The following EXOC4 variants were observed in gnomAD, a reference collection of about 807,000 sequenced individuals.
EXOC4 encodes the protein exocyst complex component 4.
A neutral mutation model predicts 107.2 loss-of-function variants in EXOC4; 71 were observed. That is an observed-to-expected ratio of 0.66 (90% CI 0.55 to 0.81). The LOEUF is 0.81. Among genes scored for constraint, EXOC4 ranks in the 30% least tolerant of loss-of-function variants. The pLI is 0.00. For missense variants in EXOC4, 1,108 were observed against 1,189.6 expected (o/e 0.93, Z 1.01); for synonymous variants, 456 against 441.2 (o/e 1.03, Z -0.42).
intron 5 of EXOC4, among the ~76,000 whole-genome samples, chr7:133,354,037 T>G (rs1187648939): frequency 6.6e-6 from 1 of 152,028 alleles, no homozygotes; most frequent in African/African-American, 2.4e-5. Flanking sequence ...GACTTTCTCT[T>G]TATTTTTTGT....
chr7:133,561,168 A>G (rs1280591003), intron 9 of EXOC4, among the ~76,000 whole-genome samples: 1 of 152,196 alleles, frequency 6.6e-6, no homozygotes, highest in Non-Finnish European at 1.5e-5. Flanking sequence ...GCCTGGTCAC[A>G]TGAACTCTTC....
chr7:134,099,522 CTTTTTTTTTTTT>C, the EXOC4 span, among the ~76,000 whole-genome samples: 2,047 of 103,922 alleles, frequency 0.02, 54 homozygotes, highest in African/African-American at 0.063. Context: ...CATCACACTT[CTTTTTTTTTTTT>C]TTTTTTTTTT....
At chr7:133,835,863 A>G (rs903228697) in intron 11 of EXOC4, among the ~76,000 whole-genome samples, 1 of 152,184 alleles carries the variant, frequency 6.6e-6, no homozygotes, top group Non-Finnish European at 1.5e-5. Context: ...AACCAGCTTT[A>G]TCTAGGGAAA....
chr7:133,347,696 AT>A (rs1206287926), intron 5 of EXOC4, among the ~76,000 whole-genome samples: 1 of 152,212 alleles, frequency 6.6e-6, no homozygotes, highest in Non-Finnish European at 1.5e-5. Context: ...ATTTATAGCC[AT>A]TTAGACATAC....
chr7:134,032,421 G>A (rs1795290822), intron 17 of EXOC4, among the ~76,000 whole-genome samples: 1 of 152,134 alleles, frequency 6.6e-6, no homozygotes, highest in Admixed American at 6.5e-5. Flanking sequence ...CCATCTTCCT[G>A]CTGCTAATGG....
At chr7:134,030,428 A>C (rs1795242493) in intron 17 of EXOC4, among the ~76,000 whole-genome samples, 1 of 152,222 alleles carries the variant, frequency 6.6e-6, no homozygotes, top group African/African-American at 2.4e-5. Context: ...TACGTGCTAC[A>C]TGCTGCCAAG....
At chr7:134,096,472 A>G in the EXOC4 span, among the ~76,000 whole-genome samples, 4 of 152,160 alleles carry the variant, frequency 2.6e-5, no homozygotes, top group East Asian at 5.8e-4. Flanking sequence ...TATGAAGGGG[A>G]GTTTATTAAG....
intron 11 of EXOC4, among the ~76,000 whole-genome samples, chr7:133,847,585 A>G (rs994423257): frequency 1.6e-4 from 22 of 140,230 alleles, no homozygotes; most frequent in Non-Finnish European, 3.3e-4. Flanking sequence ...GAGTTTCACC[A>G]TGTTAGCCAG....
chr7:133,347,853 T>C (rs1312591103), intron 5 of EXOC4, among the ~76,000 whole-genome samples: 2 of 152,186 alleles, frequency 1.3e-5, no homozygotes, highest in Non-Finnish European at 2.9e-5. Context: ...TATCAGTCTG[T>C]GAAAGTCTTC....
At chr7:133,919,461 A>C (rs1444937176) in intron 13 of EXOC4, among the ~76,000 whole-genome samples, 1 of 152,224 alleles carries the variant, frequency 6.6e-6, no homozygotes, top group Non-Finnish European at 1.5e-5. Flanking sequence ...TAAGGAATAC[A>C]TCCACCATTA....
At chr7:133,835,942 T>C (rs1483083842) in intron 11 of EXOC4, among the ~76,000 whole-genome samples, 1 of 152,222 alleles carries the variant, frequency 6.6e-6, no homozygotes, top group Non-Finnish European at 1.5e-5. Flanking sequence ...ATTATAGACC[T>C]TGTGCCTGGG....
chr7:134,012,566 G>A (rs538052442), intron 17 of EXOC4, among the ~76,000 whole-genome samples: 1 of 152,252 alleles, frequency 6.6e-6, no homozygotes, highest in South Asian at 2.1e-4. Flanking sequence ...CAGATAGAGA[G>A]GGGATAACAA....
intron 7 of EXOC4, among the ~76,000 whole-genome samples, chr7:133,395,136 G>A (rs565082554): frequency 4.1e-4 from 60 of 147,274 alleles, no homozygotes; most frequent in Admixed American, 2.9e-3. Context: ...TAACTTGGTC[G>A]CAGTTGAAGA....
intron 1 of EXOC4, among the ~76,000 whole-genome samples, chr7:133,265,047 A>C (rs1793692439): frequency 6.6e-6 from 1 of 152,210 alleles, no homozygotes. Context: ...GGTTAAAAGC[A>C]GTTTGGGAAA....
At chr7:134,095,784 T>C in the EXOC4 span, among the ~76,000 whole-genome samples, 16 of 152,200 alleles carry the variant, frequency 1.1e-4, no homozygotes, top group Admixed American at 2.0e-4. Context: ...AAAAATGAAA[T>C]TGGACCCCTA....
intron 10 of EXOC4, among the ~76,000 whole-genome samples, chr7:133,706,902 A>G (rs1794779959): frequency 6.6e-6 from 1 of 152,142 alleles, no homozygotes; most frequent in Non-Finnish European, 1.5e-5. Context: ...CACCTCCCAA[A>G]GGCCCCACAT....
chr7:133,492,954 A>C (rs942244000), intron 9 of EXOC4, among the ~76,000 whole-genome samples: 22 of 82,200 alleles, frequency 2.7e-4, no homozygotes, highest in African/African-American at 1.0e-4. Flanking sequence ...GAGTCTGGGG[A>C]CTAGTTAGAG....
intron 17 of EXOC4, 190 bp downstream of exon 17, chr7:134,008,025 G>A (rs1294455336): frequency 1.8e-6 from 1 of 543,966 alleles, no homozygotes; most frequent in Non-Finnish European, 3.1e-6. Context: ...TGTTACTTTG[G>A]CAGATAGTTT....
At chr7:133,341,836 A>G (rs998720197) in intron 5 of EXOC4, among the ~76,000 whole-genome samples, 5 of 152,016 alleles carry the variant, frequency 3.3e-5, no homozygotes, top group African/African-American at 1.2e-4. Context: ...GTTTTGTCTG[A>G]TATAGAAATA....
Sources: allele counts gnomAD v4.1 joint callset (sites outside exome capture counted in the v4.1 genomes callset), GRCh38; gene constraint gnomAD v4.1.1; transcripts MANE v1.5; gene names NCBI Gene and HGNC (gene_info 2026-07-23, HGNC 2026-07-21).